GLS2: variants seen among roughly 807,000 people sequenced by gnomAD.
GLS2 encodes glutaminase 2, also known as glutaminase liver isoform, mitochondrial.
A neutral mutation model predicts 79.0 loss-of-function variants in GLS2; 52 were observed. The observed-to-expected ratio is 0.66, with a 90% CI of 0.53 to 0.83. The LOEUF is 0.83. Among genes scored for constraint, GLS2 ranks in the 40% least tolerant of loss-of-function variants. The pLI is 0.00. For missense variants in GLS2, 561 were observed against 764.8 expected (o/e 0.73, Z 3.14); for synonymous variants, 238 against 280.8 (o/e 0.85, Z 1.52).
chr12:56,472,290 GA>G, intron 15 of GLS2, 95 bp from the exon 16 acceptor site: 1 of 1,171,554 alleles, frequency 8.5e-7, no homozygotes, highest in Non-Finnish European at 1.3e-6. Flanking sequence ...GAGTTTCAGA[GA>G]AAGTGAAACA....
intron 1 of GLS2, among the ~76,000 whole-genome samples, chr12:56,486,098 C>G (rs558624427): frequency 1.7e-4 from 26 of 151,946 alleles, no homozygotes; most frequent in African/African-American, 5.8e-4. Flanking sequence ...AGCGCATTTC[C>G]TCTTTGCTGC....
intron 3 of GLS2, 124 bp from the exon 4 acceptor site, chr12:56,479,305 T>A: frequency 8.1e-7 from 1 of 1,235,680 alleles, no homozygotes; most frequent in Non-Finnish European, 1.1e-6. Flanking sequence ...ACAGCTCTGT[T>A]ACCTTTGGCA....
intron 12 of GLS2, chr12:56,474,279 G>A: frequency 2.3e-6 from 1 of 434,616 alleles, no homozygotes; most frequent in Non-Finnish European, 4.3e-6. Flanking sequence ...AGTAGAGATG[G>A]GGTTTCACCA....
At chr12:56,483,073 C>T (rs987334265) in intron 1 of GLS2, among the ~76,000 whole-genome samples, 17 of 150,552 alleles carry the variant, frequency 1.1e-4, no homozygotes, top group African/African-American at 4.1e-4. Flanking sequence ...TTTCTTTTTT[C>T]TTTTTCTTTC....
intron 1 of GLS2, among the ~76,000 whole-genome samples, chr12:56,485,013 C>G (rs1329861023): frequency 6.6e-6 from 1 of 151,898 alleles, no homozygotes; most frequent in African/African-American, 2.4e-5. Context: ...AAATTGAAGA[C>G]TGGTTATATA....
intron 9 of GLS2, 69 bp from the exon 10 acceptor site, chr12:56,475,179 C>T: frequency 1.2e-6 from 2 of 1,608,448 alleles, no homozygotes; most frequent in Non-Finnish European, 1.7e-6. Flanking sequence ...GAAAAATTAC[C>T]TTCCCTGGAG....
rs568280019 is a variant in GLS2 at position 56,475,643 on chromosome 12, T to G, written c.910A>C (p.Met304Leu). 1.9e-6 allele frequency: 3 copies of G among 1,614,004 alleles called. No individual in the cohort carries two copies. Among genetic ancestry groups the G allele is most frequent in the Non-Finnish European group, 2.5e-6 (3 of 1,180,026 alleles). Residue 304 changes from methionine to leucine, a missense_variant, in exon 9 of 18, where the codon ATG becomes CTG. Physicochemically the swap from Met to Leu is conservative, Grantham distance 15. Transcript: ENST00000311966. ...YLNKMAGNEY[M>L]GFSNATFQSE... ...ACTTACGTGGCATTGCTGAAACCCA[T>G]GTATTCATTCCCAGCCATTTTGTTG...
rs184061028 is a variant in GLS2 at position 56,476,816 on chromosome 12, G to C, written c.838-839C>G. ...TCACCGTGCTAGCCAGGATGGTCTCGATCTCCTGACCTCGTGATTTGCCCA... is the reference window on the plus strand; with the variant it reads ...TCACCGTGCTAGCCAGGATGGTCTCCATCTCCTGACCTCGTGATTTGCCCA... On this transcript the variant is annotated intron_variant, in intron 7 of 17. Transcript: ENST00000311966. 31 of 152,248 alleles carry C rather than the reference G, an allele frequency of 2.0e-4. No individual in the cohort carries two copies. In the East Asian group the frequency reaches 4.5e-3, roughly 22 times the overall value. 9.4% of individuals were successfully genotyped at this position (152,248 alleles called of 1,614,324 possible).
At chr12:56,479,387 C>G (rs932657098) in intron 3 of GLS2, 10 of 557,890 alleles carry the variant, frequency 1.8e-5, no homozygotes, top group African/African-American at 1.7e-4. Flanking sequence ...TGGAAAGACA[C>G]TATGTCTTGG....
intron 2 of GLS2, 121 bp from the exon 3 acceptor site, chr12:56,480,022 G>T: frequency 1.5e-6 from 2 of 1,321,108 alleles, no homozygotes; most frequent in East Asian, 2.3e-5. Context: ...TGGAACAAAT[G>T]GGTTTGGAGA....
Position 56,475,046 on chromosome 12 carries a change from T to C in GLS2, c.994A>G (p.Lys332Glu). ...CTCTTCCGGCCTCTTCTGGTTACCT[T>C]CTTTTCCTTGAGATAATAGCCGATG... Reference protein sequence around the residue: ...YAIGYYLKEKKCFPKGVDMMA... With the variant: ...YAIGYYLKEKECFPKGVDMMA... Residue 332 changes from lysine (K) to glutamate (E), a missense_variant and splice_region_variant, in exon 10 of 18, where the codon AAG (lysine) becomes GAG (glutamate). Physicochemically the swap from Lys to Glu is moderately conservative, Grantham distance 56 (BLOSUM62 1). Transcript: ENST00000311966. 1 of 1,614,154 alleles carries C rather than the reference T, an allele frequency of 6.2e-7. No individual in the cohort carries two copies. The highest frequency in any genetic ancestry group is 8.5e-7 in the Non-Finnish European group (1 of 1,180,030).
rs777009269 is a variant in GLS2, at chr12:56,471,793, C to T, written c.1632G>A (p.Val544=). The change falls in exon 17 of 18, where the codon GTG becomes GTA. Residue 544 remains valine, a synonymous_variant. Coordinates refer to ENST00000311966, the MANE Select transcript of GLS2 (RefSeq NM_013267.4). ...CTCACCTGTCCTTGGCAAAAGGATT[C>T]ACTTTGCAAGCCTCGATCAGGAATT... ...VVKFLIEACK[V]NPFAKDRWGN... 1.2e-4 allele frequency: 192 copies of T among 1,613,998 alleles called. No homozygotes were observed. Among genetic ancestry groups the T allele is most frequent in the Middle Eastern group, 1.7e-4 (1 of 6,058 alleles).
chr12:56,477,899 C>G (rs891591079), intron 6 of GLS2, 34 bp downstream of exon 6: 3 of 1,599,120 alleles, frequency 1.9e-6, no homozygotes, highest in Non-Finnish European at 2.6e-6. Context: ...AAGGGGACAG[C>G]TGTAAGTACG....
intron 8 of GLS2, 112 bp downstream of exon 8, chr12:56,475,833 C>T (rs1444099501): frequency 7.1e-7 from 1 of 1,408,368 alleles, no homozygotes; most frequent in Non-Finnish European, 1.0e-6. Context: ...AATAAGGCTT[C>T]TAGTATGGGC....
At chr12:56,472,577 A>T in intron 15 of GLS2, 113 bp downstream of exon 15, 1 of 930,900 alleles carries the variant, frequency 1.1e-6, no homozygotes, top group Non-Finnish European at 1.7e-6. Flanking sequence ...AATGCAATCT[A>T]TATCCATTCT....
intron 16 of GLS2, 38 bp from the exon 17 acceptor site, chr12:56,471,874 G>T: frequency 6.3e-7 from 1 of 1,599,136 alleles, no homozygotes; most frequent in Non-Finnish European, 8.6e-7. Flanking sequence ...GAAGGCGCAG[G>T]TCTTGAACCC....
chr12:56,474,747 TGTGAC>T (rs1869643248), intron 11 of GLS2, 27 bp from the exon 12 acceptor site: 1 of 1,609,766 alleles, frequency 6.2e-7, no homozygotes, highest in African/African-American at 1.3e-5. Context: ...TAGGTGAAGA[TGTGAC>T]GTGAACCTGC....
intron 1 of GLS2, chr12:56,487,532 AG>A: frequency 3.8e-6 from 1 of 263,264 alleles, no homozygotes; most frequent in Non-Finnish European, 7.3e-6. Context: ...CACAGACCCC[AG>A]TACACCTGGA....
At position 56,471,539 on chromosome 12, in the gene GLS2, G is replaced by A; in HGVS notation, c.1757C>T (p.Ala586Val). ...QDSYTLSETQ[A>V]EAAAEALSKE... ...GGACAGGGCCTCAGCTGCTGCCTCA[G>A]CCTGAGTTTCAGAGAGTGTGTAGGA... The change falls in exon 18 of 18, where the codon GCT (alanine) becomes GTT (valine). Residue 586 changes from alanine to valine, a missense_variant. Ala to Val is a moderately conservative substitution (Grantham distance 64). Transcript: ENST00000311966. 2 of 1,614,170 alleles carry A rather than the reference G, an allele frequency of 1.2e-6. No individual in the cohort carries two copies. The highest frequency in any genetic ancestry group is 1.7e-6 in the Non-Finnish European group (2 of 1,180,032).
Sources: gnomAD v4.1 joint callset for allele counts (sites outside exome capture counted in the v4.1 genomes callset) on GRCh38, gnomAD v4.1.1 for gene constraint, MANE v1.5 for transcripts, NCBI Gene and HGNC (gene_info 2026-07-23, HGNC 2026-07-21) for gene names.